The following CRTAM variants were observed in gnomAD, a reference collection of about 807,000 sequenced individuals.
CRTAM encodes the protein cytotoxic and regulatory T-cell molecule.
CRTAM carries 44 observed loss-of-function variants against 50.0 expected under a neutral mutation model. That is an observed-to-expected ratio of 0.88 (90% CI 0.69 to 1.13). CRTAM has a LOEUF of 1.13. Ranked by LOEUF, CRTAM falls within the 50% of genes most tolerant of loss-of-function variation. The probability of loss-of-function intolerance (pLI) is 0.00; values close to 1 mark genes in which losing one functional copy is unlikely to be tolerated. For synonymous variants in CRTAM, 159 were observed against 169.3 expected (o/e 0.94, Z 0.47); for missense variants, 448 against 457.5 (o/e 0.98, Z 0.19).
At chr11:122,853,752 C>G (rs552495251) in intron 3 of CRTAM, among the ~76,000 whole-genome samples, 191 bp from the exon 4 acceptor site, 1 of 151,232 alleles carries the variant, frequency 6.6e-6, no homozygotes, top group African/African-American at 2.4e-5. Context: ...TGGGAGGTGG[C>G]GGTTTCAGTG....
chr11:122,867,897 G>C (rs1029069025), intron 8 of CRTAM, 116 bp from the exon 9 acceptor site: 2 of 676,734 alleles, frequency 3.0e-6, no homozygotes, highest in Non-Finnish European at 5.2e-6. Flanking sequence ...ATGAGTTATG[G>C]GAGGGGCATG....
chr11:122,859,708 A>T (rs561892542), intron 5 of CRTAM, among the ~76,000 whole-genome samples: 13 of 152,224 alleles, frequency 8.5e-5, no homozygotes, highest in Non-Finnish European at 1.8e-4. Context: ...CTCAACAAGT[A>T]GTAGTTTCTT....
intron 1 of CRTAM, among the ~76,000 whole-genome samples, chr11:122,838,887 T>TAAG (rs1861764822): frequency 6.6e-6 from 1 of 152,192 alleles, no homozygotes; most frequent in African/African-American, 2.4e-5. Context: ...TTTAAGGGCA[T>TAAG]ACCAGTTGAA....
intron 5 of CRTAM, among the ~76,000 whole-genome samples, chr11:122,858,110 CTAT>C (rs772508369): frequency 1.3e-5 from 2 of 152,120 alleles, no homozygotes; most frequent in Non-Finnish European, 2.9e-5. Context: ...CGGGGTCTCC[CTAT>C]GTTGCTCAGG....
chr11:122,856,378 A>G (rs1862008192), intron 5 of CRTAM, among the ~76,000 whole-genome samples: 1 of 152,262 alleles, frequency 6.6e-6, no homozygotes, highest in Admixed American at 6.5e-5. Flanking sequence ...TTAAACATCC[A>G]ATATTAAATG....
Position 122,866,121 on chromosome 11 carries a change from G to A in CRTAM, c.818-1288G>A, listed in dbSNP as rs532430846. ...GCATGAGTCCCAAACACCTCATTAG[G>A]TGCCATCTATTACCTACTTCTGCAG... On this transcript the variant is annotated intron_variant, in intron 7 of 9. Coordinates refer to ENST00000227348, the MANE Select transcript of CRTAM (RefSeq NM_019604.4). Among the ~76,000 whole-genome samples the A allele has an allele frequency of 2.6e-5, 4 of 152,194 alleles. No homozygotes were observed. The East Asian group carries it at 7.7e-4, about 29-fold the overall frequency.
At chr11:122,867,769 T>G (rs1055449409) in intron 8 of CRTAM, among the ~76,000 whole-genome samples, 4 of 152,180 alleles carry the variant, frequency 2.6e-5, no homozygotes, top group Non-Finnish European at 4.4e-5. Context: ...GAAACTAGCA[T>G]AGATCCAGAA....
rs139434125 is a variant in CRTAM at position 122,855,675 on chromosome 11, C to A, written c.491-20C>A. On this transcript the variant is annotated intron_variant, in intron 4 of 9. Transcript: ENST00000227348. ...TCCAGTAGCATTAAATAGCCATAAC[C>A]TCTTCAAATTGCTACATAGGTGGAA... The A allele has an allele frequency of 3.2e-3, 5,232 of 1,611,832 alleles. 8 individuals are homozygous for A. Among genetic ancestry groups the A allele is most frequent in the Non-Finnish European group, 4.2e-3 (4,895 of 1,178,256 alleles).
chr11:122,863,247 A>G (rs1011492753), intron 6 of CRTAM, among the ~76,000 whole-genome samples: 10 of 145,008 alleles, frequency 6.9e-5, no homozygotes, highest in South Asian at 2.3e-4. Flanking sequence ...GAAAGAAAGA[A>G]AGAGAGAAAG....
At chr11:122,844,683 C>T (rs1434799457) in intron 1 of CRTAM, among the ~76,000 whole-genome samples, 1 of 152,176 alleles carries the variant, frequency 6.6e-6, no homozygotes, top group Non-Finnish European at 1.5e-5. Flanking sequence ...TAAAACATAG[C>T]CGTTGTCCTC....
chr11:122,849,016 G>A (rs1205381019), intron 1 of CRTAM, among the ~76,000 whole-genome samples: 4 of 152,118 alleles, frequency 2.6e-5, no homozygotes, highest in South Asian at 2.1e-4. Context: ...GTTGTGATTC[G>A]GAGAAATTAG....
At chr11:122,849,940 T>C (rs1861908910) in intron 1 of CRTAM, 128 bp from the exon 2 acceptor site, 2 of 868,190 alleles carry the variant, frequency 2.3e-6, no homozygotes, top group South Asian at 6.5e-5. Context: ...TCCCATTTTG[T>C]TTGTATTTGC....
intron 9 of CRTAM, 34 bp downstream of exon 9, chr11:122,868,133 TGAGGTTCATTAATGTA>T: frequency 1.5e-6 from 2 of 1,323,400 alleles, no homozygotes; most frequent in Middle Eastern, 1.9e-4. Context: ...ATCTGAACAA[TGAGGTTCATTAATGTA>T]TTAGTCAGAT....
chr11:122,857,917 G>A (rs1419528930), intron 5 of CRTAM, among the ~76,000 whole-genome samples: 1 of 152,064 alleles, frequency 6.6e-6, no homozygotes, highest in Admixed American at 6.6e-5. Context: ...TTTATGTTTT[G>A]TTTTGTTTTT....
intron 4 of CRTAM, among the ~76,000 whole-genome samples, chr11:122,854,641 C>T (rs1206232802): frequency 7.2e-6 from 1 of 138,320 alleles, no homozygotes; most frequent in African/African-American, 2.8e-5. Context: ...CCAGCCTGGG[C>T]AACAGGAGCA....
Position 122,850,121 on chromosome 11 carries a change from C to A in CRTAM, c.100C>A (p.Leu34Ile), listed in dbSNP as rs763724669. The A allele has an allele frequency of 1.2e-6, 2 of 1,613,474 alleles. No homozygotes were observed. The highest frequency in any genetic ancestry group is 2.7e-5 in the African/African-American group (2 of 74,926). ...CATCACCGTGGAGGAAGGCCAGACG[C>A]TCACTCTAAAGTGTGTCACTTCTCT... ...ETITVEEGQT[L>I]TLKCVTSLRK... The change falls in exon 2 of 10, where the codon CTC becomes ATC. Residue 34 changes from leucine (L) to isoleucine (I), a missense_variant. Physicochemically the swap from Leu to Ile is conservative, Grantham distance 5. Coordinates refer to ENST00000227348, the MANE Select transcript of CRTAM (RefSeq NM_019604.4).
At chr11:122,859,262 C>G (rs917635859) in intron 5 of CRTAM, among the ~76,000 whole-genome samples, 10 of 152,080 alleles carry the variant, frequency 6.6e-5, no homozygotes, top group Non-Finnish European at 1.0e-4. Flanking sequence ...GCTCCTGCTA[C>G]CACACCTGGC....
chr11:122,856,035 CTAT>C (rs145801086), intron 5 of CRTAM, among the ~76,000 whole-genome samples, 179 bp downstream of exon 5: 1,622 of 152,310 alleles, frequency 0.011, 9 homozygotes, highest in Non-Finnish European at 0.018. Context: ...GGAATTCCAA[CTAT>C]TCCAATGTTC....
chr11:122,845,198 T>A (rs1264222181), intron 1 of CRTAM, among the ~76,000 whole-genome samples: 1 of 152,054 alleles, frequency 6.6e-6, no homozygotes, highest in Non-Finnish European at 1.5e-5. Flanking sequence ...GTAAAGACAC[T>A]GATTTAAGGG....
Sources: allele counts gnomAD v4.1 joint callset (sites outside exome capture counted in the v4.1 genomes callset), GRCh38; gene constraint gnomAD v4.1.1; transcripts MANE v1.5; gene names NCBI Gene and HGNC (gene_info 2026-07-23, HGNC 2026-07-21).